Variants in TARBP1 observed in about 807,000 individuals in gnomAD.
TARBP1 encodes the protein tRNA guanosine 2 -O-methyltransferase TARBP1.
TARBP1 carries 144 observed loss-of-function variants against 178.6 expected under a neutral mutation model. The observed-to-expected ratio is 0.81, with a 90% CI of 0.70 to 0.93. TARBP1 has a LOEUF of 0.93. Among genes scored for constraint, TARBP1 ranks in the 40% least tolerant of loss-of-function variants. The pLI is 0.00. For missense variants in TARBP1, 2,067 were observed against 2,011.7 expected, an observed-to-expected ratio of 1.03 and a Z score of -0.53; for synonymous variants, 787 against 781.0, an observed-to-expected ratio of 1.01 and a Z score of -0.13.
At chr1:234,408,292 G>C (rs1300594582) in intron 23 of TARBP1, among the ~76,000 whole-genome samples, 1 of 151,732 alleles carries the variant, frequency 6.6e-6, no homozygotes, top group Non-Finnish European at 1.5e-5. Flanking sequence ...AAAGAGATCT[G>C]ACCTAACCAA....
At chr1:234,431,952 C>T (rs1301737648) in intron 14 of TARBP1, among the ~76,000 whole-genome samples, 2 of 151,832 alleles carry the variant, frequency 1.3e-5, no homozygotes, top group African/African-American at 4.8e-5. Flanking sequence ...GCCTGGCCAA[C>T]ATGGTGAAAC....
chr1:234,475,832 G>A (rs1197807180), intron 1 of TARBP1, among the ~76,000 whole-genome samples: 1 of 152,222 alleles, frequency 6.6e-6, no homozygotes, highest in Non-Finnish European at 1.5e-5. Flanking sequence ...AAAACCTTTC[G>A]AGACTCCAGG....
chr1:234,464,753 A>C (rs1049442232), intron 5 of TARBP1, among the ~76,000 whole-genome samples: 1 of 152,220 alleles, frequency 6.6e-6, no homozygotes, highest in Admixed American at 6.5e-5. Flanking sequence ...GGCATACTGA[A>C]CAGCAAGACA....
intron 19 of TARBP1, among the ~76,000 whole-genome samples, chr1:234,426,984 G>A (rs1024726139): frequency 6.6e-5 from 10 of 152,164 alleles, no homozygotes; most frequent in African/African-American, 2.4e-4. Flanking sequence ...CCAAAAAAAG[G>A]ACTGGAGAAT....
chr1:234,442,857 G>C (rs917025749), intron 12 of TARBP1, among the ~76,000 whole-genome samples: 1 of 152,148 alleles, frequency 6.6e-6, no homozygotes, highest in Non-Finnish European at 1.5e-5. Context: ...CCCTACCCCA[G>C]TGGCTCCTCT....
At chr1:234,421,663 T>A (rs1442831455) in intron 20 of TARBP1, among the ~76,000 whole-genome samples, 1 of 152,250 alleles carries the variant, frequency 6.6e-6, no homozygotes, top group Admixed American at 6.5e-5. Context: ...GCACTGAGCC[T>A]TTCCTAGTAA....
chr1:234,452,924 C>T (rs998357456), intron 9 of TARBP1, among the ~76,000 whole-genome samples: 15 of 151,830 alleles, frequency 9.9e-5, no homozygotes, highest in African/African-American at 3.4e-4. Context: ...CAGGAAGGAA[C>T]CTTAAGTGCA....
chr1:234,471,422 T>C (rs567446700), intron 2 of TARBP1, among the ~76,000 whole-genome samples, 165 bp from the exon 3 acceptor site: 4 of 152,354 alleles, frequency 2.6e-5, no homozygotes, highest in African/African-American at 9.6e-5. Context: ...TTCAGGTATG[T>C]AAGACTGAGT....
intron 4 of TARBP1, among the ~76,000 whole-genome samples, chr1:234,466,774 G>GA (rs1474587530): frequency 6.6e-6 from 1 of 151,444 alleles, no homozygotes; most frequent in Non-Finnish European, 1.5e-5. Flanking sequence ...GAGGCAGGGG[G>GA]ATCACTTGAA....
At chr1:234,398,878 A>G (rs931077132) in intron 25 of TARBP1, among the ~76,000 whole-genome samples, 5 of 152,338 alleles carry the variant, frequency 3.3e-5, no homozygotes, top group African/African-American at 1.2e-4. Flanking sequence ...GTATTTGGAT[A>G]AGTGCAATTT....
chr1:234,468,274 A>C (rs1475599500), intron 3 of TARBP1, among the ~76,000 whole-genome samples: 1 of 152,024 alleles, frequency 6.6e-6, no homozygotes, highest in Non-Finnish European at 1.5e-5. Context: ...CCAACATGGC[A>C]AAACTCCATC....
chr1:234,447,682 C>G (rs1284051996), intron 11 of TARBP1, among the ~76,000 whole-genome samples: 1 of 152,148 alleles, frequency 6.6e-6, no homozygotes, highest in Non-Finnish European at 1.5e-5. Flanking sequence ...GTATGTCACG[C>G]AAATATCCTA....
At chr1:234,458,006 TAAAA>T (rs56105144) in intron 8 of TARBP1, among the ~76,000 whole-genome samples, 1 of 143,582 alleles carries the variant, frequency 7.0e-6, no homozygotes, top group Non-Finnish European at 1.5e-5. Flanking sequence ...GTCACAATCT[TAAAA>T]AAAAAAAAAA....
chr1:234,449,328 GA>G (rs1666504798), intron 10 of TARBP1, among the ~76,000 whole-genome samples: 1 of 152,190 alleles, frequency 6.6e-6, no homozygotes, highest in Non-Finnish European at 1.5e-5. Flanking sequence ...TTTATATTTT[GA>G]AAAGATTTAT....
intron 11 of TARBP1, among the ~76,000 whole-genome samples, chr1:234,447,792 T>C (rs937010352): frequency 7.3e-6 from 1 of 136,970 alleles, no homozygotes; most frequent in Non-Finnish European, 1.6e-5. Flanking sequence ...TTTATCTTTA[T>C]TACCGTTTTT....
rs773959949 is a variant in TARBP1 at position 234,478,574 on chromosome 1, T to TCCCCGC, written c.524_529dup (p.Gly175_Gly176dup). On this transcript the variant is annotated inframe_insertion, in exon 1 of 30. Transcript: ENST00000040877. ...CTCGGCAGGCCCGGCCTCATCCCCG[T>TCCCCGC]CCCCGCCCCCGCCCAGCGCCAGGGC... 10 of 1,291,010 alleles carry TCCCCGC rather than the reference T, an allele frequency of 7.7e-6. No individual in the cohort carries two copies. The highest frequency in any genetic ancestry group is 7.9e-5 in the Admixed American group (2 of 25,196). 80.0% of individuals were successfully genotyped at this position (1,291,010 alleles called of 1,614,324 possible).
At chr1:234,441,816 T>C (rs563378048) in intron 12 of TARBP1, among the ~76,000 whole-genome samples, 1 of 152,320 alleles carries the variant, frequency 6.6e-6, no homozygotes, top group Non-Finnish European at 1.5e-5. Flanking sequence ...TATGTGGTCT[T>C]TAGTGATCAC....
chr1:234,460,433 T>C, intron 6 of TARBP1, 37 bp from the exon 7 acceptor site: 1 of 1,608,896 alleles, frequency 6.2e-7, no homozygotes, highest in African/African-American at 1.3e-5. Context: ...TTGTTGCCAA[T>C]TAGCACATGA....
At chr1:234,446,250 C>T (rs914953307) in intron 12 of TARBP1, among the ~76,000 whole-genome samples, 2 of 152,128 alleles carry the variant, frequency 1.3e-5, no homozygotes, top group Non-Finnish European at 2.9e-5. Flanking sequence ...TGCTGTTTTA[C>T]ATACCTTAGT....
Sources: allele counts gnomAD v4.1 joint callset (sites outside exome capture counted in the v4.1 genomes callset), GRCh38; gene constraint gnomAD v4.1.1; transcripts MANE v1.5; gene names NCBI Gene and HGNC (gene_info 2026-07-23, HGNC 2026-07-21).